The following SUCLG2 variants were observed in gnomAD, a reference collection of about 807,000 sequenced individuals.
The protein encoded by SUCLG2 is succinate-CoA ligase GDP-forming subunit beta.
In SUCLG2, 42 loss-of-function variants were observed where a neutral mutation model predicts 47.9. The observed-to-expected ratio is 0.88, with a 90% CI of 0.69 to 1.14. SUCLG2 has a LOEUF of 1.14. Among genes scored for constraint, SUCLG2 ranks in the 50% most tolerant of loss-of-function variants. The pLI is 0.00. For missense variants in SUCLG2, 571 were observed against 525.9 expected (o/e 1.09, Z -0.84); for synonymous variants, 195 against 197.3 (o/e 0.99, Z 0.10).
intron 2 of SUCLG2, among the ~76,000 whole-genome samples, chr3:67,572,708 T>C (rs185007426): frequency 2.1e-4 from 32 of 152,084 alleles, no homozygotes; most frequent in African/African-American, 7.2e-4. Context: ...ATGACAAATA[T>C]CATACTTACT....
chr3:67,432,715 A>G (rs553115635), intron 9 of SUCLG2, among the ~76,000 whole-genome samples: 2 of 152,314 alleles, frequency 1.3e-5, no homozygotes, highest in South Asian at 2.1e-4. Context: ...ACCATATGCC[A>G]TCCCATTTTA....
At chr3:67,362,788 A>G (rs1457082582) in intron 10 of SUCLG2, among the ~76,000 whole-genome samples, 1 of 152,210 alleles carries the variant, frequency 6.6e-6, no homozygotes, top group East Asian at 1.9e-4. Flanking sequence ...GAGCTGCCTC[A>G]TTCAAAGATA....
intron 2 of SUCLG2, among the ~76,000 whole-genome samples, chr3:67,566,818 T>C (rs934362404): frequency 3.9e-5 from 6 of 152,226 alleles, no homozygotes; most frequent in African/African-American, 7.2e-5. Context: ...ATTAATAGTT[T>C]CCTTTATAAT....
chr3:67,537,593 G>C (rs189756685), intron 2 of SUCLG2, among the ~76,000 whole-genome samples: 1 of 152,268 alleles, frequency 6.6e-6, no homozygotes, highest in African/African-American at 2.4e-5. Flanking sequence ...CCAGTAATGG[G>C]ATTGCTTGGT....
chr3:67,418,925 A>C (rs1703093270), intron 9 of SUCLG2, among the ~76,000 whole-genome samples: 1 of 152,198 alleles, frequency 6.6e-6, no homozygotes, highest in South Asian at 2.1e-4. Flanking sequence ...GAATGTTATA[A>C]GAAATGCATT....
At chr3:67,608,017 C>T (rs562799113) in intron 2 of SUCLG2, among the ~76,000 whole-genome samples, 4 of 152,230 alleles carry the variant, frequency 2.6e-5, no homozygotes, top group South Asian at 4.2e-4. Flanking sequence ...CCTAAAGACT[C>T]GCAATAGCAT....
At chr3:67,451,757 A>G (rs1338021202) in intron 9 of SUCLG2, among the ~76,000 whole-genome samples, 1 of 152,194 alleles carries the variant, frequency 6.6e-6, no homozygotes, top group Non-Finnish European at 1.5e-5. Flanking sequence ...TACTTTTGAA[A>G]TAAGGGATCA....
At chr3:67,503,399 C>T (rs1479758052) in intron 7 of SUCLG2, among the ~76,000 whole-genome samples, 1 of 152,224 alleles carries the variant, frequency 6.6e-6, no homozygotes, top group Non-Finnish European at 1.5e-5. Context: ...GGAATACTAA[C>T]TGACTCTTAC....
chr3:67,501,517 C>T (rs1284554423), intron 7 of SUCLG2, among the ~76,000 whole-genome samples: 1 of 151,914 alleles, frequency 6.6e-6, no homozygotes, highest in Admixed American at 6.6e-5. Context: ...GGCCTTTGAC[C>T]CTGATTCCTG....
intron 9 of SUCLG2, among the ~76,000 whole-genome samples, chr3:67,455,103 T>C (rs781740745): frequency 5.3e-5 from 8 of 152,164 alleles, no homozygotes; most frequent in South Asian, 2.1e-4. Flanking sequence ...AGTTCACACA[T>C]TGCATGTAGT....
chr3:67,634,021 A>C (rs1425465924), intron 1 of SUCLG2, among the ~76,000 whole-genome samples: 1 of 152,200 alleles, frequency 6.6e-6, no homozygotes, highest in Non-Finnish European at 1.5e-5. Context: ...CAGAAAACTA[A>C]AATTTTCAGA....
At chr3:67,566,913 G>A (rs1163794070) in intron 2 of SUCLG2, among the ~76,000 whole-genome samples, 3 of 152,170 alleles carry the variant, frequency 2.0e-5, no homozygotes, top group Admixed American at 1.3e-4. Context: ...GACTGGGCAT[G>A]GTGGCACACG....
At chr3:67,420,746 TAC>T (rs10575720) in intron 9 of SUCLG2, among the ~76,000 whole-genome samples, 9,974 of 152,132 alleles carry the variant, frequency 0.066, 355 homozygotes, top group East Asian at 0.11. Context: ...AAGGAATAGA[TAC>T]ACACACACAA....
At chr3:67,539,846 CAG>C (rs1706651591) in intron 2 of SUCLG2, among the ~76,000 whole-genome samples, 1 of 152,104 alleles carries the variant, frequency 6.6e-6, no homozygotes. Context: ...TTTATTTGCA[CAG>C]AGGTGTTTAT....
Position 67,522,725 on chromosome 3 carries a change from G to A in SUCLG2, c.418-2091C>T, listed in dbSNP as rs188705921. 1.0e-3 allele frequency among the ~76,000 whole-genome samples: 154 copies of A among 149,128 alleles called. 1 individual carries two copies. The highest frequency in any genetic ancestry group is 7.0e-3 in the Middle Eastern group (2 of 284). ...GTCGCCCAGGCTGGAGTGCAGTGGC[G>A]CGATCTCGGCTCACTGCAAGCTCTG... On this transcript the variant is annotated intron_variant, in intron 4 of 10. Coordinates refer to ENST00000307227, the MANE Select transcript of SUCLG2 (RefSeq NM_003848.4).
chr3:67,543,176 C>T (rs1290261237), intron 2 of SUCLG2, among the ~76,000 whole-genome samples: 1 of 152,186 alleles, frequency 6.6e-6, no homozygotes, highest in Non-Finnish European at 1.5e-5. Flanking sequence ...CAAAATCACA[C>T]AACTACATGG....
chr3:67,654,457 G>C (rs1701349145), intron 1 of SUCLG2, 46 bp downstream of exon 1: 1 of 1,217,656 alleles, frequency 8.2e-7, no homozygotes, highest in Admixed American at 4.2e-5. Flanking sequence ...AGCCCGGGCA[G>C]GCCGGCGCCG....
intron 1 of SUCLG2, among the ~76,000 whole-genome samples, chr3:67,651,376 T>C (rs1255274153): frequency 6.6e-6 from 1 of 152,164 alleles, no homozygotes; most frequent in Non-Finnish European, 1.5e-5. Context: ...TCTCAGTCTT[T>C]GCACTTGCTG....
intron 2 of SUCLG2, among the ~76,000 whole-genome samples, chr3:67,595,118 A>G (rs984265547): frequency 6.6e-6 from 1 of 152,176 alleles, no homozygotes; most frequent in African/African-American, 2.4e-5. Context: ...ATCATTCTCT[A>G]TCATTAGTTA....
Sources: allele counts gnomAD v4.1 joint callset (sites outside exome capture counted in the v4.1 genomes callset), GRCh38; gene constraint gnomAD v4.1.1; transcripts MANE v1.5; gene names NCBI Gene and HGNC (gene_info 2026-07-23, HGNC 2026-07-21).